ADD3: variants seen among roughly 807,000 people sequenced by gnomAD.
ADD3 encodes gamma-adducin.
A neutral mutation model predicts 80.2 loss-of-function variants in ADD3; 25 were observed. The ratio of observed to expected loss-of-function variants is 0.31; its 90% confidence interval spans 0.23 to 0.44. The LOEUF (loss-of-function observed/expected upper bound fraction) is 0.44, where lower values mean the gene tolerates loss of function less well. Among genes scored for constraint, ADD3 ranks in the 20% least tolerant of loss-of-function variants. The pLI is 1.00. For synonymous variants in ADD3, 284 were observed against 289.6 expected, an observed-to-expected ratio of 0.98 and a Z score of 0.20; for missense variants, 829 against 847.5, an observed-to-expected ratio of 0.98 and a Z score of 0.27.
intron 12 of ADD3, among the ~76,000 whole-genome samples, chr10:110,128,812 C>G (rs1369185762): frequency 2.0e-5 from 3 of 152,090 alleles, no homozygotes; most frequent in African/African-American, 7.2e-5. Flanking sequence ...CTAAGGGTAT[C>G]AATTTTAAAT....
chr10:110,117,368 C>G lies in ADD3; in HGVS notation c.513C>G (p.His171Gln), dbSNP rs766471457. Reference protein sequence around the residue: ...ISVRISKEQDHIIIIPRGLSF... With the variant: ...ISVRISKEQDQIIIIPRGLSF... Reference sequence around the variant, plus strand: ...TAAGAATAAGTAAGGAGCAAGACCACATTATAATAATTCCCAGAGGCCTAT... The same window carrying G: ...TAAGAATAAGTAAGGAGCAAGACCAGATTATAATAATTCCCAGAGGCCTAT... The change falls in exon 5 of 15, where the codon CAC becomes CAG. Residue 171 changes from histidine (H) to glutamine (Q), a missense_variant. Transcript: ENST00000356080. 3 of 1,604,258 alleles carry G rather than the reference C, an allele frequency of 1.9e-6. No homozygotes were observed. The highest frequency in any genetic ancestry group is 1.7e-5 in the Admixed American group (1 of 59,944).
rs576607729 is a variant in ADD3, at chr10:110,130,962, A to T, written c.1732+476A>T. Reference sequence around the variant, plus strand: ...CAGATGAGTAAAGAATTACTAGCCAAAGTAGATGTAGATAAATTAATGGAT... The same window carrying T: ...CAGATGAGTAAAGAATTACTAGCCATAGTAGATGTAGATAAATTAATGGAT... On this transcript the variant is annotated intron_variant, in intron 13 of 14. Transcript: ENST00000356080. 6.6e-5 allele frequency among the ~76,000 whole-genome samples: 10 copies of T among 152,318 alleles called. No homozygotes were observed. The East Asian group carries it at 1.7e-3, about 26-fold the overall frequency.
chr10:110,051,588 GCTCT>G (rs1056020985), intron 1 of ADD3, among the ~76,000 whole-genome samples: 7 of 152,078 alleles, frequency 4.6e-5, no homozygotes, highest in Non-Finnish European at 7.4e-5. Context: ...AAGTTAGATG[GCTCT>G]CTAAGTCCTG....
intron 3 of ADD3, 73 bp downstream of exon 3, chr10:110,112,988 C>T (rs1419169269): frequency 2.7e-6 from 4 of 1,484,142 alleles, no homozygotes; most frequent in South Asian, 1.3e-5. Flanking sequence ...TCTCTAGCAG[C>T]ATATTCTGCT....
intron 1 of ADD3, among the ~76,000 whole-genome samples, chr10:110,022,662 G>A (rs1025301696): frequency 3.3e-5 from 5 of 152,186 alleles, no homozygotes; most frequent in African/African-American, 1.2e-4. Context: ...CCTTAGTGGT[G>A]AAGATAGACA....
chr10:110,104,853 A>C (rs1266042057), intron 2 of ADD3, among the ~76,000 whole-genome samples: 2 of 152,226 alleles, frequency 1.3e-5, no homozygotes, highest in African/African-American at 4.8e-5. Flanking sequence ...CTGAAGTTTT[A>C]CAGCTTAGTT....
At chr10:109,997,134 G>A (rs1043923543) in intron 1 of ADD3, among the ~76,000 whole-genome samples, 1 of 152,212 alleles carries the variant, frequency 6.6e-6, no homozygotes, top group Non-Finnish European at 1.5e-5. Flanking sequence ...TGTAAAGACA[G>A]GAGCTAAGTG....
Position 110,130,427 on chromosome 10 carries a change from C to T in ADD3, c.1673C>T (p.Thr558Ile). 6.2e-7 allele frequency: 1 copy of T among 1,614,022 alleles called. No homozygotes were observed. The highest frequency in any genetic ancestry group is 1.1e-5 in the South Asian group (1 of 91,086). Reference protein sequence around the residue: ...PAPPNPFSHLTEGELEEYKRT... With the variant: ...PAPPNPFSHLIEGELEEYKRT... ...CCTCCTAACCCATTTAGTCATCTCA[C>T]AGAAGGAGAACTTGAAGAGTATAAG... Residue 558 changes from threonine (T) to isoleucine (I), a missense_variant, in exon 13 of 15, where the codon ACA (threonine) becomes ATA (isoleucine). Thr to Ile is a moderately conservative substitution (Grantham distance 89, BLOSUM62 -1). Transcript: ENST00000356080.
Position 110,035,614 on chromosome 10 carries a change from C to T in ADD3, c.-30+27315C>T, listed in dbSNP as rs561946716. 5.9e-5 allele frequency among the ~76,000 whole-genome samples: 9 copies of T among 152,226 alleles called. No individual in the cohort carries two copies. The South Asian group carries it at 1.9e-3, about 32-fold the overall frequency. ...TCTACTACCAGTAATAGTATGAATC[C>T]TTTTAGACTAGTGGTACTCAGACTT... On this transcript the variant is annotated intron_variant, in intron 1 of 14. Coordinates refer to ENST00000356080, the MANE Select transcript of ADD3 (RefSeq NM_016824.5).
intron 8 of ADD3, among the ~76,000 whole-genome samples, chr10:110,121,281 C>A (rs548405703): frequency 6.6e-6 from 1 of 151,906 alleles, no homozygotes; most frequent in Non-Finnish European, 1.5e-5. Flanking sequence ...GTCAGGAGTT[C>A]GAGACCAGCC....
chr10:110,025,343 TA>T (rs1332150687), intron 1 of ADD3, among the ~76,000 whole-genome samples: 2 of 152,036 alleles, frequency 1.3e-5, no homozygotes, highest in Non-Finnish European at 2.9e-5. Context: ...TTTAATTTAA[TA>T]TTTTTTTAAT....
chr10:110,044,524 G>A (rs150102336), intron 1 of ADD3, among the ~76,000 whole-genome samples: 1 of 152,328 alleles, frequency 6.6e-6, no homozygotes, highest in Non-Finnish European at 1.5e-5. Context: ...CATAGGTGCT[G>A]CCTTCTGTAC....
chr10:110,091,481 C>G (rs770766025), intron 1 of ADD3, among the ~76,000 whole-genome samples: 2 of 152,158 alleles, frequency 1.3e-5, no homozygotes, highest in Non-Finnish European at 1.5e-5. Context: ...TAAAGCCACA[C>G]ACATACAACC....
intron 1 of ADD3, among the ~76,000 whole-genome samples, chr10:110,064,503 T>C (rs1000578058): frequency 6.6e-6 from 1 of 152,244 alleles, no homozygotes; most frequent in African/African-American, 2.4e-5. Context: ...TGATGGGCAC[T>C]TCTTAATGTA....
rs115661916 is a variant in ADD3 at position 109,997,032 on chromosome 10, G to A, written n.79+586G>A. On this transcript the variant is annotated intron_variant and non_coding_transcript_variant, in intron 1 of 5. Coordinates refer to the ADD3 transcript ENST00000468251. ...GCCATAGATTATATTTCAAGCAACT[G>A]AGGTCACTCTAACTTAAGCAAAGCA... is the stretch of plus-strand genomic sequence containing the variant. 7.5e-3 allele frequency among the ~76,000 whole-genome samples: 1,140 copies of A among 152,312 alleles called. 8 individuals carry two copies. The highest frequency in any genetic ancestry group is 0.025 in the African/African-American group (1,056 of 41,562).
At chr10:110,123,942 A>G (rs1851825398) in intron 9 of ADD3, 75 bp from the exon 10 acceptor site, 1 of 1,431,804 alleles carries the variant, frequency 7.0e-7, no homozygotes. Flanking sequence ...TCATTTGTAT[A>G]CAAAAGGAAT....
intron 1 of ADD3, among the ~76,000 whole-genome samples, chr10:110,008,542 C>T (rs1378178631): frequency 6.7e-6 from 1 of 148,616 alleles, no homozygotes; most frequent in Non-Finnish European, 1.5e-5. Context: ...GGGGAGGGTC[C>T]GGGGGTGGCG....
chr10:110,026,776 A>T lies in ADD3; in HGVS notation c.-30+18477A>T, dbSNP rs1014783870. The stretch of plus-strand genomic sequence containing the variant: ...AATATTTCTTTTAAGTTAATGATTG[A>T]TTTTTTTTTTTTTTAACTTCTGGTG... On this transcript the variant is annotated intron_variant, in intron 1 of 14. Transcript: ENST00000356080. Among the ~76,000 whole-genome samples the T allele has an allele frequency of 2.7e-5, 4 of 145,692 alleles. No individual in the cohort carries two copies. The South Asian group carries it at 8.6e-4, about 31-fold the overall frequency.
At position 110,133,692 on chromosome 10, in the gene ADD3, T is replaced by A; in HGVS notation, c.*74T>A. ...TAAATACCACATTTAAGTTGATCAT[T>A]AATATGCAATGGTAGATCAGATTGG... On this transcript the variant is annotated 3_prime_UTR_variant, in exon 15 of 15. Transcript: ENST00000356080. 8.1e-7 allele frequency: 1 copy of A among 1,233,370 alleles called. No homozygotes were observed. The highest frequency in any genetic ancestry group is 1.1e-6 in the Non-Finnish European group (1 of 912,010). The allele number at this position is 1,233,370 out of a possible 1,614,324, so 76.4% of individuals were successfully genotyped here.
Sources: gnomAD v4.1 joint callset for allele counts (sites outside exome capture counted in the v4.1 genomes callset) on GRCh38, gnomAD v4.1.1 for gene constraint, MANE v1.5 for transcripts, NCBI Gene and HGNC (gene_info 2026-07-23, HGNC 2026-07-21) for gene names.